KLF12: variants seen among roughly 807,000 people sequenced by gnomAD.
KLF12 encodes the protein Krueppel-like factor 12.
A neutral mutation model predicts 37.8 loss-of-function variants in KLF12; 9 were observed. That is an observed-to-expected ratio of 0.24 (90% confidence interval 0.14 to 0.42). The LOEUF (loss-of-function observed/expected upper bound fraction) is 0.42, where lower values mean the gene tolerates loss of function less well. KLF12 is among the 10% of genes least tolerant of loss of function. The pLI is 1.00. For missense variants in KLF12, 411 were observed against 516.0 expected (o/e 0.80, Z 1.97); for synonymous variants, 208 against 202.1 (o/e 1.03, Z -0.25).
At chr13:73,983,582 G>T (rs1020359622) in intron 2 of KLF12, among the ~76,000 whole-genome samples, 2 of 152,042 alleles carry the variant, frequency 1.3e-5, no homozygotes, top group African/African-American at 4.8e-5. Context: ...TCATAACTTT[G>T]CTCTAAACTT....
intron 1 of KLF12, among the ~76,000 whole-genome samples, chr13:74,105,390 G>T (rs1876599112): frequency 6.6e-6 from 1 of 151,924 alleles, no homozygotes; most frequent in Admixed American, 6.6e-5. Context: ...ATATTAATCT[G>T]TATAGTGAAG....
intron 4 of KLF12, among the ~76,000 whole-genome samples, chr13:73,826,143 T>A (rs1594136972): frequency 6.6e-6 from 1 of 152,044 alleles, no homozygotes; most frequent in East Asian, 1.9e-4. Flanking sequence ...TGGCTAATTT[T>A]TTTGTATCTT....
chr13:74,135,598 C>A (rs1256477076), upstream of KLF12, among the ~76,000 whole-genome samples: 1 of 150,962 alleles, frequency 6.6e-6, no homozygotes, highest in African/African-American at 2.4e-5. Flanking sequence ...AGCGGCCGGG[C>A]GGGCGGGGCG....
rs963087834 is a variant in KLF12, at chr13:73,818,790, T to C, written c.671-5503A>G. ...GAGGGCCATACACAGATGGAAGGTG[T>C]GAAGTGGCTGCCCAGGCAGGCGCCA... On this transcript the variant is annotated intron_variant, in intron 4 of 7. Transcript: ENST00000377669. 5.3e-5 allele frequency among the ~76,000 whole-genome samples: 8 copies of C among 152,226 alleles called. 1 individual carries two copies. Among genetic ancestry groups the C allele is most frequent in the Admixed American group, 4.6e-4 (7 of 15,288 alleles).
chr13:73,744,340 T>C (rs1878214917), intron 6 of KLF12, among the ~76,000 whole-genome samples: 1 of 152,208 alleles, frequency 6.6e-6, no homozygotes. Flanking sequence ...ATGGGGTCAA[T>C]ACTACCTATT....
At chr13:73,740,951 A>AAG (rs992648968) in intron 6 of KLF12, among the ~76,000 whole-genome samples, 45 of 152,304 alleles carry the variant, frequency 3.0e-4, no homozygotes, top group African/African-American at 1.1e-3. Flanking sequence ...ACACACCCTG[A>AAG]AGACAGTCCT....
At chr13:73,946,414 C>A (rs1890425210) in intron 2 of KLF12, among the ~76,000 whole-genome samples, 1 of 152,158 alleles carries the variant, frequency 6.6e-6, no homozygotes, top group African/African-American at 2.4e-5. Flanking sequence ...TAACCAGAGT[C>A]TTTGAAGTTA....
Position 74,125,945 on chromosome 13 carries a change from G to A in KLF12, c.-32+7794C>T, listed in dbSNP as rs141733087. Among the ~76,000 whole-genome samples the A allele has an allele frequency of 7.2e-4, 110 of 152,236 alleles. 2 individuals carry two copies. In the East Asian group the frequency reaches 0.011, roughly 15 times the overall value. ...GGGAAAGTCCAGGGGGCTTTCTAGC[G>A]TTCAGCTCTCTACAGCTAACTGGCT... On this transcript the variant is annotated intron_variant, in intron 1 of 7. Transcript: ENST00000377669.
intron 3 of KLF12, among the ~76,000 whole-genome samples, chr13:73,870,661 G>C (rs866984829): frequency 6.6e-6 from 1 of 152,204 alleles, no homozygotes; most frequent in Non-Finnish European, 1.5e-5. Flanking sequence ...TGCCTTCAGA[G>C]ACCTGATGAG....
chr13:74,129,046 T>C (rs1878111446), intron 1 of KLF12, among the ~76,000 whole-genome samples: 1 of 152,182 alleles, frequency 6.6e-6, no homozygotes. Context: ...ATACAGTATG[T>C]AGTCATTCTT....
the KLF12 span, among the ~76,000 whole-genome samples, chr13:74,140,876 A>T: frequency 6.6e-6 from 1 of 152,010 alleles, no homozygotes; most frequent in African/African-American, 2.4e-5. Flanking sequence ...ACATGGTGAA[A>T]CCCCATCTCT....
intron 4 of KLF12, among the ~76,000 whole-genome samples, chr13:73,828,410 C>A (rs928552216): frequency 1.3e-5 from 2 of 152,120 alleles, no homozygotes; most frequent in South Asian, 2.1e-4. Context: ...TTTAGATATA[C>A]GTCTTTTAGA....
chr13:73,808,393 CAAGTT>C (rs1882757482), intron 5 of KLF12, among the ~76,000 whole-genome samples: 1 of 151,984 alleles, frequency 6.6e-6, no homozygotes, highest in African/African-American at 2.4e-5. Flanking sequence ...AAATGAGAGT[CAAGTT>C]AATTAATGAA....
At chr13:73,723,265 T>A (rs1460540320) in intron 6 of KLF12, among the ~76,000 whole-genome samples, 1 of 152,172 alleles carries the variant, frequency 6.6e-6, no homozygotes, top group East Asian at 1.9e-4. Context: ...CTGTGGGGAA[T>A]GTCCTATGCA....
At chr13:74,268,382 C>T in the KLF12 span, among the ~76,000 whole-genome samples, 1 of 152,042 alleles carries the variant, frequency 6.6e-6, no homozygotes, top group Non-Finnish European at 1.5e-5. Context: ...CTAGAAGCAC[C>T]GTTAATTATG....
At chr13:74,275,910 T>TTTCTTTCG in the KLF12 span, among the ~76,000 whole-genome samples, 1 of 146,082 alleles carries the variant, frequency 6.8e-6, no homozygotes, top group South Asian at 2.2e-4. Flanking sequence ...TCTTTCTTTC[T>TTTCTTTCG]TTCTTTCTTT....
chr13:74,009,146 T>TTATTTACA (rs908433233), intron 1 of KLF12, among the ~76,000 whole-genome samples: 11 of 152,230 alleles, frequency 7.2e-5, no homozygotes, highest in African/African-American at 2.4e-4. Context: ...AGCACTGCAT[T>TTATTTACA]GTAACAGTTT....
intron 1 of KLF12, among the ~76,000 whole-genome samples, chr13:74,056,442 T>C (rs1330929456): frequency 6.6e-6 from 1 of 152,212 alleles, no homozygotes; most frequent in Non-Finnish European, 1.5e-5. Context: ...ACACTTCATA[T>C]GGTGTGTGAT....
intron 3 of KLF12, among the ~76,000 whole-genome samples, chr13:73,850,197 A>G (rs756004075): frequency 3.9e-5 from 6 of 152,224 alleles, no homozygotes; most frequent in Non-Finnish European, 8.8e-5. Flanking sequence ...TTTCTCCAAA[A>G]GTCTCAAAGC....
Sources: gnomAD v4.1 joint callset for allele counts (sites outside exome capture counted in the v4.1 genomes callset) on GRCh38, gnomAD v4.1.1 for gene constraint, MANE v1.5 for transcripts, NCBI Gene and HGNC (gene_info 2026-07-23, HGNC 2026-07-21) for gene names.